The following PAPOLG variants were observed in gnomAD, a reference collection of about 807,000 sequenced individuals.
PAPOLG encodes the protein PAP-gamma.
In PAPOLG, 40 loss-of-function variants were observed where a neutral mutation model predicts 99.0. The observed-to-expected ratio is 0.40, with a 90% CI of 0.31 to 0.53. The LOEUF (loss-of-function observed/expected upper bound fraction) is 0.53, where lower values mean the gene tolerates loss of function less well. Ranked by LOEUF, PAPOLG falls within the 20% of genes least tolerant of loss-of-function variation. The pLI is 0.41. For missense variants in PAPOLG, 675 were observed against 884.1 expected, an observed-to-expected ratio of 0.76 and a Z score of 3.00; for synonymous variants, 310 against 299.3, an observed-to-expected ratio of 1.04 and a Z score of -0.37.
chr2:60,767,009 GA>G (rs1432089820), intron 3 of PAPOLG, among the ~76,000 whole-genome samples: 1 of 152,178 alleles, frequency 6.6e-6, no homozygotes, highest in East Asian at 1.9e-4. Flanking sequence ...ACAAGATAGT[GA>G]AAGAGAAAAG....
In PAPOLG at chr2:60,797,065, C is replaced by A; in HGVS notation, c.2116C>A (p.Leu706Ile). Residue 706 changes from leucine to isoleucine, a missense_variant, in exon 22 of 22, where the codon CTA (leucine) becomes ATA (isoleucine). Physicochemically the swap from Leu to Ile is conservative, Grantham distance 5 (BLOSUM62 2). Coordinates refer to ENST00000238714, the MANE Select transcript of PAPOLG (RefSeq NM_022894.4). ...GTTTCCTCTTTCTTTCTAATAGAGA[C>A]TACCCAGTAAAGAACTACCAGATTC... ...PTIDTSRKKR[L>I]PSKELPDSSS... 6.2e-7 allele frequency: 1 copy of A among 1,612,024 alleles called. No homozygotes were observed. Among genetic ancestry groups the A allele is most frequent in the Non-Finnish European group, 8.5e-7 (1 of 1,178,122 alleles).
rs1274419873 is a variant in PAPOLG, at chr2:60,798,768, C to T, written c.*1608C>T. ...TTGAAATTCTTGAATTGCCAGAGAG[C>T]CGTATCCTCCAGGTCCCACTCCTGT... On this transcript the variant is annotated 3_prime_UTR_variant, in exon 22 of 22. Coordinates refer to ENST00000238714, the MANE Select transcript of PAPOLG (RefSeq NM_022894.4). The T allele has an allele frequency of 6.6e-6, 1 of 152,320 alleles. No homozygotes were observed. Among genetic ancestry groups the T allele is most frequent in the Non-Finnish European group, 1.5e-5 (1 of 68,036 alleles). The allele number at this position is 152,320 out of a possible 1,614,324, so 9.4% of individuals were successfully genotyped here.
chr2:60,779,045 C>T (rs1343212480), intron 8 of PAPOLG, among the ~76,000 whole-genome samples: 1 of 151,488 alleles, frequency 6.6e-6, no homozygotes, highest in East Asian at 1.9e-4. Context: ...TATGATTGTG[C>T]CAGTTCACTC....
chr2:60,795,055 T>G, intron 21 of PAPOLG, 35 bp downstream of exon 21: 1 of 1,544,702 alleles, frequency 6.5e-7, no homozygotes, highest in Non-Finnish European at 8.9e-7. Context: ...GTACAGTACA[T>G]AGGTAAAAAC....
At position 60,781,871 on chromosome 2, in the gene PAPOLG, T is replaced by G. The variant is rs1186168703; in HGVS notation, c.907-14T>G. The G allele has an allele frequency of 1.2e-6, 2 of 1,613,896 alleles. No individual in the cohort carries two copies. The highest frequency in any genetic ancestry group is 1.7e-6 in the Non-Finnish European group (2 of 1,179,862). On this transcript the variant is annotated splice_polypyrimidine_tract_variant and intron_variant, in intron 10 of 21. Coordinates refer to ENST00000238714, the MANE Select transcript of PAPOLG (RefSeq NM_022894.4). ...TAGGAGAATAGATCAGTTATTCTGC[T>G]TCTAATTTCACAGGTAAATCCATCA... is the stretch of plus-strand genomic sequence containing the variant.
chr2:60,770,774 C>T (rs1670829801), intron 6 of PAPOLG, among the ~76,000 whole-genome samples: 2 of 152,112 alleles, frequency 1.3e-5, no homozygotes, highest in Admixed American at 6.5e-5. Context: ...CAGGCACACA[C>T]CACCACACCT....
chr2:60,784,730 T>C (rs1004047962), intron 13 of PAPOLG, among the ~76,000 whole-genome samples: 3 of 152,240 alleles, frequency 2.0e-5, no homozygotes, highest in East Asian at 1.9e-4. Context: ...TAAAGTTTTA[T>C]TGGAACATAG....
At chr2:60,760,041 G>C in intron 1 of PAPOLG, 93 bp from the exon 2 acceptor site, 2 of 1,296,660 alleles carry the variant, frequency 1.5e-6, no homozygotes, top group Non-Finnish European at 2.1e-6. Context: ...TTTTAAGGTA[G>C]CTAAATTAAC....
At position 60,787,806 on chromosome 2, in the gene PAPOLG, CT is replaced by C. The variant is rs554560853; in HGVS notation, c.1396+189del. ...GTGGCTAATGCCTGTAATCCCAGCA[CT>C]TTGGGAGGCAGAGGCGGGCAGATTA... On this transcript the variant is annotated intron_variant, in intron 15 of 21. Coordinates refer to ENST00000238714, the MANE Select transcript of PAPOLG (RefSeq NM_022894.4). Among the ~76,000 whole-genome samples the C allele has an allele frequency of 1.9e-4, 29 of 152,312 alleles. No individual in the cohort carries two copies. The South Asian group carries it at 6.0e-3, about 32-fold the overall frequency.
intron 3 of PAPOLG, 33 bp from the exon 4 acceptor site, chr2:60,768,437 T>G: frequency 6.2e-7 from 1 of 1,606,518 alleles, no homozygotes; most frequent in Non-Finnish European, 8.5e-7. Context: ...ATAATTTGAA[T>G]AATTGAATGT....
At chr2:60,757,754 G>A (rs1257464935) in intron 1 of PAPOLG, among the ~76,000 whole-genome samples, 1 of 152,012 alleles carries the variant, frequency 6.6e-6, no homozygotes, top group Non-Finnish European at 1.5e-5. Context: ...CTCTTTGTAC[G>A]CTTGTAACTA....
intron 3 of PAPOLG, among the ~76,000 whole-genome samples, chr2:60,763,428 A>G (rs1484443777): frequency 6.6e-6 from 1 of 151,812 alleles, no homozygotes; most frequent in African/African-American, 2.4e-5. Context: ...AGTATTTTTT[A>G]TCTGTGTGTG....
At chr2:60,758,913 G>C (rs1256986204) in intron 1 of PAPOLG, among the ~76,000 whole-genome samples, 1 of 152,106 alleles carries the variant, frequency 6.6e-6, no homozygotes, top group Non-Finnish European at 1.5e-5. Context: ...TCTTACTCTT[G>C]GTGTTAATGG....
intron 8 of PAPOLG, 55 bp from the exon 9 acceptor site, chr2:60,779,582 G>A (rs1382065244): frequency 1.3e-6 from 2 of 1,518,092 alleles, no homozygotes; most frequent in East Asian, 4.6e-5. Context: ...GAAAAAAAAA[G>A]AATGTCACAG....
chr2:60,761,929 T>C, intron 3 of PAPOLG, 122 bp downstream of exon 3: 4 of 745,860 alleles, frequency 5.4e-6, no homozygotes, highest in East Asian at 5.0e-5. Context: ...CTGGTATATG[T>C]AGGAATGAAT....
At chr2:60,763,937 G>C (rs904779113) in intron 3 of PAPOLG, among the ~76,000 whole-genome samples, 1 of 151,934 alleles carries the variant, frequency 6.6e-6, no homozygotes, top group Non-Finnish European at 1.5e-5. Context: ...CGAGTAGCTG[G>C]GATTACAGGT....
chr2:60,781,979 C>T lies in PAPOLG; in HGVS notation c.1001C>T (p.Thr334Ile). The T allele has an allele frequency of 1.2e-6, 2 of 1,613,912 alleles. No homozygotes were observed. The highest frequency in any genetic ancestry group is 1.7e-6 in the Non-Finnish European group (2 of 1,179,860). ...STYNVSTSTR[T>I]VMVEEFKQGL... ...TATAATGTGTCCACATCAACTCGAACAGTAATGGTAGAAGAATTTAAACAA... is the reference window on the plus strand; with the variant it reads ...TATAATGTGTCCACATCAACTCGAATAGTAATGGTAGAAGAATTTAAACAA... The change falls in exon 11 of 22, where the codon ACA becomes ATA. Residue 334 changes from threonine to isoleucine, a missense_variant. By Grantham distance (89) the Thr-to-Ile change is moderately conservative. Transcript: ENST00000238714.
intron 21 of PAPOLG, among the ~76,000 whole-genome samples, chr2:60,796,208 CTTTTTTTTTTTTTTTT>C (rs66526788): frequency 9.1e-6 from 1 of 110,336 alleles, no homozygotes; most frequent in Non-Finnish European, 1.9e-5. Flanking sequence ...TTTTGCCTTC[CTTTTTTTTTTTTTTTT>C]TTTTTTTTTT....
rs1324967386 is a variant in PAPOLG at position 60,783,322 on chromosome 2, C to T, written c.1166+113C>T. 18 of 265,008 alleles carry T rather than the reference C, an allele frequency of 6.8e-5. 1 individual carries two copies. The Admixed American group carries it at 1.6e-3, about 23-fold the overall frequency. The allele number at this position is 265,008 out of a possible 1,614,324, so 16.4% of individuals were successfully genotyped here. ...TGCTTGATTTTCAAAATTATTATAT[C>T]TCTTTTTTTTTTTTTTTTTTTTGAG... On this transcript the variant is annotated intron_variant, in intron 13 of 21. Transcript: ENST00000238714.
Sources: gnomAD v4.1 joint callset for allele counts (sites outside exome capture counted in the v4.1 genomes callset) on GRCh38, gnomAD v4.1.1 for gene constraint, MANE v1.5 for transcripts, NCBI Gene and HGNC (gene_info 2026-07-23, HGNC 2026-07-21) for gene names.